FRK: variants seen among roughly 807,000 people sequenced by gnomAD.
The protein encoded by FRK is fyn related Src family tyrosine kinase.
A neutral mutation model predicts 56.4 loss-of-function variants in FRK; 51 were observed. The observed-to-expected ratio is 0.90, with a 90% confidence interval of 0.72 to 1.14. FRK has a LOEUF of 1.14. Among genes scored for constraint, FRK ranks in the 50% most tolerant of loss-of-function variants. The pLI is 0.00. For missense variants in FRK, 570 were observed against 601.4 expected, an observed-to-expected ratio of 0.95 and a Z score of 0.55; for synonymous variants, 245 against 217.9, an observed-to-expected ratio of 1.12 and a Z score of -1.10.
chr6:116,020,697 T>C (rs551209779), intron 1 of FRK, among the ~76,000 whole-genome samples: 3 of 152,210 alleles, frequency 2.0e-5, no homozygotes, highest in East Asian at 1.9e-4. Context: ...GATTCACCTG[T>C]GTTCAGAACT....
intron 3 of FRK, among the ~76,000 whole-genome samples, chr6:115,968,350 G>T (rs187384615): frequency 2.0e-5 from 3 of 152,126 alleles, no homozygotes; most frequent in Admixed American, 2.0e-4. Flanking sequence ...TGGCACAAAA[G>T]AATCCAAAGA....
At chr6:115,995,136 G>C (rs1323629678) in intron 2 of FRK, among the ~76,000 whole-genome samples, 1 of 152,126 alleles carries the variant, frequency 6.6e-6, no homozygotes. Context: ...CTGAAGGTGT[G>C]AGAGTATCTA....
intron 1 of FRK, among the ~76,000 whole-genome samples, chr6:116,031,169 T>C (rs13192924): frequency 0.2 from 29,888 of 152,076 alleles, 3,835 homozygotes; most frequent in Middle Eastern, 0.35. Flanking sequence ...TAAATTATGA[T>C]TAATTCACTG....
chr6:115,958,682 A>G (rs868388763), intron 4 of FRK, among the ~76,000 whole-genome samples: 1 of 4,434 alleles, frequency 2.3e-4, no homozygotes, highest in African/African-American at 6.6e-4. Flanking sequence ...GAAAGAAAGA[A>G]AGAAAGAAAG....
intron 1 of FRK, among the ~76,000 whole-genome samples, chr6:116,055,527 G>A (rs1232500187): frequency 2.0e-5 from 3 of 152,208 alleles, no homozygotes; most frequent in Non-Finnish European, 4.4e-5. Context: ...AGACACCATC[G>A]TAGGTCAGTA....
chr6:115,996,428 C>G (rs971943880), intron 2 of FRK, among the ~76,000 whole-genome samples: 2 of 152,144 alleles, frequency 1.3e-5, no homozygotes, highest in Admixed American at 6.6e-5. Flanking sequence ...AGGACGAACT[C>G]TGTGCCTGGC....
At chr6:116,039,251 T>G (rs1415876549) in intron 1 of FRK, 3 of 1,491,480 alleles carry the variant, frequency 2.0e-6, no homozygotes, top group Non-Finnish European at 2.8e-6. Flanking sequence ...TGCGAGCCTG[T>G]GTGGGCCATT....
At chr6:115,943,719 C>T (rs962970918) in intron 6 of FRK, among the ~76,000 whole-genome samples, 1 of 151,920 alleles carries the variant, frequency 6.6e-6, no homozygotes, top group Non-Finnish European at 1.5e-5. Context: ...TTGTTTTATG[C>T]CCTATGTCCA....
At chr6:116,049,977 C>T (rs911536172) in intron 1 of FRK, among the ~76,000 whole-genome samples, 1 of 152,138 alleles carries the variant, frequency 6.6e-6, no homozygotes, top group African/African-American at 2.4e-5. Flanking sequence ...CTCATTCTTC[C>T]AACTATTTGT....
chr6:115,944,192 T>G (rs369210008), intron 6 of FRK, 52 bp downstream of exon 6: 3 of 1,431,626 alleles, frequency 2.1e-6, no homozygotes, highest in African/African-American at 2.8e-5. Context: ...GTCTACTAAC[T>G]GTTAGACTTT....
At chr6:116,058,255 A>ATATT (rs1777470756) in intron 1 of FRK, among the ~76,000 whole-genome samples, 1 of 152,202 alleles carries the variant, frequency 6.6e-6, no homozygotes. Flanking sequence ...ATATATAAAG[A>ATATT]TATTTCCTGT....
intron 1 of FRK, among the ~76,000 whole-genome samples, chr6:116,016,933 C>A (rs1775679868): frequency 6.6e-6 from 1 of 152,086 alleles, no homozygotes; most frequent in Non-Finnish European, 1.5e-5. Context: ...AAAAAGAAAG[C>A]CTGAAACAGT....
chr6:115,989,331 TTTGTTATATTA>T (rs1774506123), intron 2 of FRK, among the ~76,000 whole-genome samples: 1 of 151,834 alleles, frequency 6.6e-6, no homozygotes, highest in Admixed American at 6.6e-5. Context: ...CATATGCAGG[TTTGTTATATTA>T]ATATATTGCA....
At position 115,941,506 on chromosome 6, in the gene FRK, T is replaced by TA. The variant is rs1304876660; in HGVS notation, c.*907dup. 1 of 151,940 alleles carries TA rather than the reference T, an allele frequency of 6.6e-6. No homozygotes were observed. The highest frequency in any genetic ancestry group is 1.5e-5 in the Non-Finnish European group (1 of 67,966). 9.4% of individuals were successfully genotyped at this position (151,940 alleles called of 1,614,324 possible). ...TTAAACTATAATAAAAAGTAAAAAATAAAAAATAAATAAAACTCTGATCTG... is the reference window on the plus strand; with the variant it reads ...TTAAACTATAATAAAAAGTAAAAAATAAAAAAATAAATAAAACTCTGATCTG... On this transcript the variant is annotated 3_prime_UTR_variant, in exon 8 of 8. Transcript: ENST00000606080.
rs1775159270 is a variant in FRK at position 116,003,953 on chromosome 6, T to C, written c.390A>G (p.Leu130=). 1 of 1,613,156 alleles carries C rather than the reference T, an allele frequency of 6.2e-7. No homozygotes were observed. Among genetic ancestry groups the C allele is most frequent in the Non-Finnish European group, 8.5e-7 (1 of 1,179,320 alleles). ...AACCGGTCTTGTTTTCTGAATATAA[T>C]AGTTGTTTCTCTGCATCTGATCTTC... The part of the protein sequence containing the change: ...AIGRSDAEKQ[L]LYSENKTGSF... The change falls in exon 2 of 8, where the codon CTA becomes CTG. Residue 130 remains leucine, a synonymous_variant. Coordinates refer to ENST00000606080, the MANE Select transcript of FRK (RefSeq NM_002031.3).
At chr6:115,992,713 T>TAG (rs1486735864) in intron 2 of FRK, among the ~76,000 whole-genome samples, 1 of 151,782 alleles carries the variant, frequency 6.6e-6, no homozygotes, top group Non-Finnish European at 1.5e-5. Context: ...CAAGTCTTAA[T>TAG]CGTGCAATAG....
At position 115,951,279 on chromosome 6, in the gene FRK, T is replaced by A. The variant is rs1000697119; in HGVS notation, c.958+5173A>T. 5.9e-5 allele frequency among the ~76,000 whole-genome samples: 9 copies of A among 152,162 alleles called. No individual in the cohort carries two copies. The South Asian group carries it at 1.7e-3, about 28-fold the overall frequency. Reference sequence around the variant, plus strand: ...GTGTTTTTTAAAGAAAAAAAGTATATACATGATCCTCTCCTATCACTACCT... The same window carrying A: ...GTGTTTTTTAAAGAAAAAAAGTATAAACATGATCCTCTCCTATCACTACCT... On this transcript the variant is annotated intron_variant, in intron 5 of 7. Coordinates refer to ENST00000606080, the MANE Select transcript of FRK (RefSeq NM_002031.3).
intron 1 of FRK, among the ~76,000 whole-genome samples, chr6:116,059,526 G>C (rs1337871577): frequency 6.6e-6 from 1 of 152,136 alleles, no homozygotes; most frequent in Non-Finnish European, 1.5e-5. Context: ...GCTAGGGCTA[G>C]AGTTGATATA....
At position 115,936,508 on chromosome 6, in the gene FRK, T is replaced by TG. The variant is rs1259752998; in HGVS notation, c.*5905dup. ...ATGGATAGAAGTAGGCCTCAGAAGG[T>TG]GGGTAATAACAAACTCCTCCAAGCT... On this transcript the variant is annotated 3_prime_UTR_variant, in exon 8 of 8. Transcript: ENST00000606080. The TG allele has an allele frequency of 1.4e-4, 21 of 152,202 alleles. No individual in the cohort carries two copies. The highest frequency in any genetic ancestry group is 4.6e-4 in the African/African-American group (19 of 41,520). 9.4% of individuals were successfully genotyped at this position (152,202 alleles called of 1,614,324 possible).
Sources: allele counts gnomAD v4.1 joint callset (sites outside exome capture counted in the v4.1 genomes callset), GRCh38; gene constraint gnomAD v4.1.1; transcripts MANE v1.5; gene names NCBI Gene and HGNC (gene_info 2026-07-23, HGNC 2026-07-21).